GMDS: variants seen among roughly 807,000 people sequenced by gnomAD.
The protein encoded by GMDS is GDP-mannose 4,6-dehydratase.
A neutral mutation model predicts 49.9 loss-of-function variants in GMDS; 20 were observed. The ratio of observed to expected loss-of-function variants is 0.40; its 90% CI spans 0.28 to 0.58. GMDS has a LOEUF of 0.58. Ranked by LOEUF, GMDS falls within the 20% of genes least tolerant of loss-of-function variation. GMDS has a pLI of 0.42. For missense variants in GMDS, 362 were observed against 481.4 expected (o/e 0.75, Z 2.32); for synonymous variants, 177 against 178.6 (o/e 0.99, Z 0.07).
chr6:1,680,572 C>T (rs1962432), intron 9 of GMDS, among the ~76,000 whole-genome samples: 86,249 of 152,006 alleles, frequency 0.57, 24,629 homozygotes, highest in East Asian at 0.68. Flanking sequence ...CTTCTGGCCT[C>T]CCTCCCTTGG....
intron 7 of GMDS, among the ~76,000 whole-genome samples, chr6:1,835,359 C>A (rs1209012041): frequency 6.6e-6 from 1 of 152,162 alleles, no homozygotes; most frequent in Admixed American, 6.6e-5. Flanking sequence ...GGCGGCTTTG[C>A]TCTCCTTTCC....
At chr6:1,723,357 C>T (rs566057992) in intron 9 of GMDS, among the ~76,000 whole-genome samples, 12 of 132,610 alleles carry the variant, frequency 9.0e-5, no homozygotes, top group East Asian at 2.2e-4. Context: ...GACGGAGTCT[C>T]GCTCTGTGGC....
At chr6:2,221,317 T>G (rs1329404849) in intron 1 of GMDS, among the ~76,000 whole-genome samples, 1 of 152,238 alleles carries the variant, frequency 6.6e-6, no homozygotes, top group African/African-American at 2.4e-5. Context: ...TTCAATTGCA[T>G]TTTATTATTT....
Position 1,640,541 on chromosome 6 carries a change from G to A in GMDS, c.988-16001C>T, listed in dbSNP as rs1370551875. ...GGCTCTCTGAGGCTATCCCATGCCC[G>A]TGGAACATGCTGGATGTGGCTGTGC... On this transcript the variant is annotated intron_variant, in intron 9 of 10. Transcript: ENST00000380815. This position sits in a 1 kb window ranked among gnomAD's most constrained non-coding sequence, Gnocchi z 4.0. Among the ~76,000 whole-genome samples, 7 of 152,324 alleles carry A rather than the reference G, an allele frequency of 4.6e-5. 1 individual carries two copies. In the East Asian group the frequency reaches 9.7e-4, roughly 21 times the overall value.
At chr6:1,849,659 CT>C (rs1413289616) in intron 7 of GMDS, among the ~76,000 whole-genome samples, 1 of 152,146 alleles carries the variant, frequency 6.6e-6, no homozygotes, top group Non-Finnish European at 1.5e-5. Context: ...CCTAGAATTA[CT>C]GTTGTTGTAG....
chr6:2,213,081 A>G (rs1412749174), intron 1 of GMDS, among the ~76,000 whole-genome samples: 1 of 152,140 alleles, frequency 6.6e-6, no homozygotes, highest in African/African-American at 2.4e-5. Context: ...GTATTTTTGA[A>G]TTCAATAAAG....
rs558579774 is a variant in GMDS at position 1,833,078 on chromosome 6, G to T, written c.772-90492C>A. Among the ~76,000 whole-genome samples the T allele has an allele frequency of 1.3e-5, 2 of 151,314 alleles. No homozygotes were observed. The highest frequency in any genetic ancestry group is 4.9e-5 in the African/African-American group (2 of 41,094). ...ACACAAAGGACGGAAAATTGCTGGC[G>T]CCGCTGGACCTGTGCCCAGCTCACC... On this transcript the variant is annotated intron_variant, in intron 7 of 10. Transcript: ENST00000380815. The surrounding 1 kb of genome is among the most constrained non-coding windows in gnomAD (Gnocchi z 4.4).
At chr6:2,052,627 C>A (rs1343716643) in intron 4 of GMDS, among the ~76,000 whole-genome samples, 1 of 152,214 alleles carries the variant, frequency 6.6e-6, no homozygotes, top group Non-Finnish European at 1.5e-5. Context: ...ATTCACTCTT[C>A]CAGGTGGTCA....
intron 1 of GMDS, among the ~76,000 whole-genome samples, chr6:2,211,544 C>T (rs1780062038): frequency 1.3e-5 from 2 of 152,146 alleles, no homozygotes; most frequent in Admixed American, 6.5e-5. Flanking sequence ...ATAGACCCTA[C>T]ATCAAAAGAT....
intron 7 of GMDS, among the ~76,000 whole-genome samples, chr6:1,873,085 C>A (rs1758857921): frequency 6.6e-6 from 1 of 152,202 alleles, no homozygotes; most frequent in Admixed American, 6.5e-5. Context: ...TGAGGGACAG[C>A]CCAGGTGGCA....
intron 1 of GMDS, among the ~76,000 whole-genome samples, chr6:2,184,295 G>A (rs1381381643): frequency 1.3e-5 from 2 of 152,056 alleles, no homozygotes; most frequent in Non-Finnish European, 2.9e-5. Flanking sequence ...CAAACCACAC[G>A]TGAGACACCA....
intron 4 of GMDS, among the ~76,000 whole-genome samples, chr6:2,004,041 T>C (rs912579708): frequency 6.6e-6 from 1 of 152,210 alleles, no homozygotes; most frequent in Non-Finnish European, 1.5e-5. Flanking sequence ...TGATTCAGCT[T>C]GTGACAAGGC....
At chr6:2,173,629 C>T (rs1254776337) in intron 1 of GMDS, among the ~76,000 whole-genome samples, 2 of 152,192 alleles carry the variant, frequency 1.3e-5, no homozygotes, top group African/African-American at 4.8e-5. Flanking sequence ...TTCTATTCTA[C>T]ATCAATGATA....
chr6:1,846,190 T>A (rs1757404160), intron 7 of GMDS, among the ~76,000 whole-genome samples: 1 of 149,728 alleles, frequency 6.7e-6, no homozygotes, highest in East Asian at 2.0e-4. Context: ...CCTCCCAGGC[T>A]CAAGTGATCC....
intron 4 of GMDS, among the ~76,000 whole-genome samples, chr6:2,031,995 T>C (rs758580036): frequency 2.0e-5 from 3 of 152,228 alleles, no homozygotes; most frequent in South Asian, 2.1e-4. Flanking sequence ...TCTTAAACTA[T>C]ATTAAAAATT....
intron 1 of GMDS, among the ~76,000 whole-genome samples, chr6:2,196,832 T>TA (rs994302367): frequency 1.3e-5 from 2 of 151,472 alleles, no homozygotes; most frequent in Non-Finnish European, 2.9e-5. Context: ...TCAAGATTTT[T>TA]ATCAAAGCAG....
intron 7 of GMDS, among the ~76,000 whole-genome samples, chr6:1,764,100 A>T (rs1768260306): frequency 1.3e-5 from 2 of 152,174 alleles, no homozygotes; most frequent in South Asian, 2.1e-4. Context: ...CGAAGAAAAA[A>T]AAAAGCTGTT....
intron 7 of GMDS, among the ~76,000 whole-genome samples, chr6:1,804,275 G>A (rs1376918071): frequency 1.3e-5 from 2 of 152,220 alleles, no homozygotes; most frequent in East Asian, 1.9e-4. Flanking sequence ...TCACTGCTAC[G>A]TGGCGAGTTC....
chr6:1,926,129 C>T (rs1761993339), intron 7 of GMDS, among the ~76,000 whole-genome samples: 2 of 152,156 alleles, frequency 1.3e-5, no homozygotes, highest in Non-Finnish European at 2.9e-5. Context: ...TACTTCCACT[C>T]AATAAAACCT....
Sources: gnomAD v4.1 joint callset for allele counts (sites outside exome capture counted in the v4.1 genomes callset) on GRCh38, gnomAD v4.1.1 for gene constraint, Gnocchi (gnomAD v3.1) non-coding constraint, MANE v1.5 for transcripts, NCBI Gene and HGNC (gene_info 2026-07-23, HGNC 2026-07-21) for gene names.